TSNAXIP1: variants seen among roughly 807,000 people sequenced by gnomAD.
The protein encoded by TSNAXIP1 is translin-associated factor X-interacting protein 1.
Under a neutral mutation model 84.8 loss-of-function variants are expected in TSNAXIP1, and 89 were observed. That is an observed-to-expected ratio of 1.05 (90% CI 0.88 to 1.25). TSNAXIP1 has a LOEUF of 1.25. Ranked by LOEUF, TSNAXIP1 falls within the 50% of genes most tolerant of loss-of-function variation. The pLI is 0.00. For missense variants in TSNAXIP1, 874 were observed against 887.6 expected (o/e 0.98, Z 0.20); for synonymous variants, 347 against 335.2 (o/e 1.04, Z -0.39).
Position 67,825,155 on chromosome 16 carries a change from A to C in TSNAXIP1, c.697A>C (p.Asn233His), listed in dbSNP as rs2057345477. ...LQSEVTKLRK[N>H]LAEEYLHYLS... is the part of the protein sequence containing the mutation. ...TTGCCAGGTGACCAAACTGAGGAAG[A>C]ACTTGGCTGAGGAGTACCTGCACTA... The change falls in exon 7 of 16, where the codon AAC becomes CAC. Residue 233 changes from asparagine to histidine, a missense_variant. Coordinates refer to ENST00000561639, the MANE Select transcript of TSNAXIP1 (RefSeq NM_001288990.3). 6.2e-7 allele frequency: 1 copy of C among 1,614,086 alleles called. No individual in the cohort carries two copies. Among genetic ancestry groups the C allele is most frequent in the Admixed American group, 1.7e-5 (1 of 60,028 alleles).
chr16:67,810,334 C>T (rs2055936566), intron 1 of TSNAXIP1, among the ~76,000 whole-genome samples: 1 of 152,190 alleles, frequency 6.6e-6, no homozygotes, highest in Non-Finnish European at 1.5e-5. Context: ...AATAACTGAG[C>T]TTGAGGCCGG....
At chr16:67,814,215 C>T in intron 1 of TSNAXIP1, 87 bp from the exon 2 acceptor site, 1 of 1,087,870 alleles carries the variant, frequency 9.2e-7, no homozygotes, top group Non-Finnish European at 1.3e-6. Context: ...AGGGAGACGG[C>T]TATGCCTTGT....
chr16:67,820,988 ATGGGCCAGGCTT>A, intron 3 of TSNAXIP1, 37 bp downstream of exon 3: 1 of 1,588,010 alleles, frequency 6.3e-7, no homozygotes, highest in Non-Finnish European at 8.6e-7. Flanking sequence ...GTGAGCTGGC[ATGGGCCAGGCTT>A]TGGGCCAGGA....
intron 2 of TSNAXIP1, among the ~76,000 whole-genome samples, chr16:67,814,704 G>A (rs555866152): frequency 3.3e-5 from 5 of 152,202 alleles, no homozygotes; most frequent in African/African-American, 7.2e-5. Context: ...ATTCTGCAGC[G>A]GCCCTTACCT....
Position 67,810,590 on chromosome 16 carries a change from G to T in TSNAXIP1, c.47+3394G>T, listed in dbSNP as rs142536905. Among the ~76,000 whole-genome samples, 68 of 152,004 alleles carry T rather than the reference G, an allele frequency of 4.5e-4. 1 individual carries two copies. The East Asian group carries it at 0.013, about 28-fold the overall frequency. On this transcript the variant is annotated intron_variant, in intron 1 of 15. Coordinates refer to ENST00000561639, the MANE Select transcript of TSNAXIP1 (RefSeq NM_001288990.3). ...GCCGAGGTCATGCTACTACACTCCTGCCTGGGCGACAGAGCCAGATTACGT... is the reference window on the plus strand; with the variant it reads ...GCCGAGGTCATGCTACTACACTCCTTCCTGGGCGACAGAGCCAGATTACGT...
intron 1 of TSNAXIP1, among the ~76,000 whole-genome samples, chr16:67,808,432 G>A (rs1309922254): frequency 6.6e-5 from 10 of 152,202 alleles, no homozygotes; most frequent in Admixed American, 6.5e-4. Context: ...AAATTAGCCA[G>A]GCATGGGGGT....
At chr16:67,817,560 G>C (rs2056679930) in intron 2 of TSNAXIP1, among the ~76,000 whole-genome samples, 2 of 148,118 alleles carry the variant, frequency 1.4e-5, no homozygotes, top group South Asian at 4.4e-4. Context: ...GATTACAAGC[G>C]TAAGCCACCG....
chr16:67,824,456 T>C (rs974115813), intron 5 of TSNAXIP1, 127 bp from the exon 6 acceptor site: 2 of 879,298 alleles, frequency 2.3e-6, no homozygotes, highest in Non-Finnish European at 1.8e-6. Flanking sequence ...ACCATGGCTT[T>C]GAACAAGGCA....
rs2055508024 is a variant in TSNAXIP1 at position 67,807,138 on chromosome 16, T to C, written c.-12T>C. ...AGGCCGCGGGTGCTGATTGCCCGCC[T>C]GCCCGTGGGTCATGGCCTGCCAGCA... On this transcript the variant is annotated 5_prime_UTR_variant, in exon 1 of 16. Transcript: ENST00000561639. The C allele has an allele frequency of 6.5e-7, 1 of 1,534,738 alleles. No individual in the cohort carries two copies. The highest frequency in any genetic ancestry group is 1.4e-5 in the African/African-American group (1 of 73,114).
intron 2 of TSNAXIP1, among the ~76,000 whole-genome samples, chr16:67,818,022 A>G (rs999109995): frequency 1.3e-5 from 2 of 152,172 alleles, no homozygotes; most frequent in East Asian, 3.9e-4. Flanking sequence ...CAGCCTGGCC[A>G]ACATGGTGAA....
rs200750424 is a variant in TSNAXIP1 at position 67,827,959 on chromosome 16, G to A, written c.2105G>A (p.Arg702His). 2.0e-5 allele frequency: 33 copies of A among 1,613,640 alleles called. No homozygotes were observed. The highest frequency in any genetic ancestry group is 1.7e-4 in the Middle Eastern group (1 of 6,060). ...LERLQVIDIR[R>H]VGPREPEPAS ...CGGCTTCAGGTGATTGACATCAGGC[G>A]TGTGGGACCTCGAGAGCCAGAGCCT... is the stretch of plus-strand genomic sequence containing the variant. The change falls in exon 16 of 16, where the codon CGT becomes CAT. Residue 702 changes from arginine (R) to histidine (H), a missense_variant. Arg to His is a conservative substitution (Grantham distance 29). Transcript: ENST00000561639.
chr16:67,812,446 T>C (rs560050033), intron 1 of TSNAXIP1, among the ~76,000 whole-genome samples: 30 of 152,006 alleles, frequency 2.0e-4, no homozygotes, highest in African/African-American at 7.2e-4. Context: ...GGCGGGCAGA[T>C]CACGAGGTCA....
Position 67,825,842 on chromosome 16 carries a change from G to GGCAGGCA in TSNAXIP1, c.984+8_984+14dup. 1 of 1,613,978 alleles carries GGCAGGCA rather than the reference G, an allele frequency of 6.2e-7. No homozygotes were observed. The highest frequency in any genetic ancestry group is 1.1e-5 in the South Asian group (1 of 91,082). On this transcript the variant is annotated splice_region_variant and intron_variant, in intron 8 of 15. Coordinates refer to ENST00000561639, the MANE Select transcript of TSNAXIP1 (RefSeq NM_001288990.3). Reference sequence around the variant, plus strand: ...ACAAGGATCTTCAGGAGCAGGTGCTGGCAGGCAGGCAGGGCCAGGAGGGTA... The same window carrying GGCAGGCA: ...ACAAGGATCTTCAGGAGCAGGTGCTGGCAGGCAGCAGGCAGGCAGGGCCAGGAGGGTA...
rs762585086 is a variant in TSNAXIP1 at position 67,824,777 on chromosome 16, G to T, written c.676G>T (p.Glu226Ter). Residue 226 changes from glutamate (E) to a stop codon, truncating the protein, a stop_gained and splice_region_variant, in exon 6 of 16, where the codon GAG becomes TAG. Transcript: ENST00000561639. LOFTEE classifies it high-confidence loss of function. ...KNEEKISLQS[E>*]VTKLRKNLAE... is the part of the protein sequence containing the mutation. ...TGAGGAGAAGATTTCATTGCAGAGC[G>T]AGGTGAATGGAAGTGGTGTGATGAT... The T allele has an allele frequency of 5.0e-6, 8 of 1,613,090 alleles. No homozygotes were observed. In the Admixed American group the frequency reaches 1.2e-4, roughly 24 times the overall value.
At chr16:67,821,287 C>T (rs1015681043) in intron 4 of TSNAXIP1, 62 bp downstream of exon 4, 63 of 1,574,514 alleles carry the variant, frequency 4.0e-5, no homozygotes, top group East Asian at 2.3e-4. Context: ...CTTCACCTAC[C>T]GGCCGGGCAC....
chr16:67,814,468 C>A (rs2056375690), intron 2 of TSNAXIP1, 67 bp downstream of exon 2: 4 of 1,335,590 alleles, frequency 3.0e-6, no homozygotes, highest in African/African-American at 1.4e-5. Flanking sequence ...TCCCTTCCTG[C>A]AACCCAAGAG....
In TSNAXIP1 at chr16:67,807,118, G is replaced by A. The variant is rs1422667810; in HGVS notation, c.-32G>A. On this transcript the variant is annotated 5_prime_UTR_variant, in exon 1 of 16. Transcript: ENST00000561639. Reference sequence around the variant, plus strand: ...GTACGCTACCACAGCTTCCCAGGCCGCGGGTGCTGATTGCCCGCCTGCCCG... The same window carrying A: ...GTACGCTACCACAGCTTCCCAGGCCACGGGTGCTGATTGCCCGCCTGCCCG... 2.6e-6 allele frequency: 4 copies of A among 1,533,240 alleles called. No individual in the cohort carries two copies. Among genetic ancestry groups the A allele is most frequent in the Non-Finnish European group, 2.6e-6 (3 of 1,145,942 alleles). 95.0% of individuals were successfully genotyped at this position (1,533,240 alleles called of 1,614,324 possible). A position where few individuals can be genotyped will look rare whatever the true frequency, so the allele number is the denominator to read the frequency against.
At position 67,826,263 on chromosome 16, in the gene TSNAXIP1, A is replaced by G. The variant is rs1028442622; in HGVS notation, c.1256A>G (p.Lys419Arg). 3.2e-6 allele frequency: 5 copies of G among 1,580,846 alleles called. No individual in the cohort carries two copies. The highest frequency in any genetic ancestry group is 4.3e-6 in the Non-Finnish European group (5 of 1,161,874). ...EEIGSGLLRE[K>R]DFFPGLGYGE... ...ATTGGTTCGGGGCTGCTGCGGGAGA[A>G]AGACTTCTTCCCTGGTCTGGTAGGG... Residue 419 changes from lysine to arginine, a missense_variant, in exon 10 of 16, where the codon AAA becomes AGA. Transcript: ENST00000561639.
At chr16:67,820,691 C>T (rs745737448) in intron 2 of TSNAXIP1, 148 bp from the exon 3 acceptor site, 12 of 539,204 alleles carry the variant, frequency 2.2e-5, no homozygotes, top group Non-Finnish European at 3.2e-5. Flanking sequence ...TTGCAGTGAG[C>T]CAAGATCGTG....
Sources: allele counts gnomAD v4.1 joint callset (sites outside exome capture counted in the v4.1 genomes callset), GRCh38; gene constraint gnomAD v4.1.1; transcripts MANE v1.5; gene names NCBI Gene and HGNC (gene_info 2026-07-23, HGNC 2026-07-21).